The following RASGEF1B variants were observed in gnomAD, a reference collection of about 807,000 sequenced individuals.
The protein encoded by RASGEF1B is RasGEF domain family member 1B.
Under a neutral mutation model 65.7 loss-of-function variants are expected in RASGEF1B, and 30 were observed. The ratio of observed to expected loss-of-function variants is 0.46; its 90% CI spans 0.34 to 0.62. The LOEUF is 0.62. Among genes scored for constraint, RASGEF1B ranks in the 20% least tolerant of loss-of-function variants. The probability of loss-of-function intolerance (pLI) is 0.01; values close to 1 mark genes in which losing one functional copy is unlikely to be tolerated. For missense variants in RASGEF1B, 495 were observed against 580.1 expected (o/e 0.85, Z 1.51); for synonymous variants, 175 against 194.8 (o/e 0.90, Z 0.85).
rs1381733627 is a variant in RASGEF1B, at chr4:81,447,538, G to T, written c.695C>A (p.Ala232Glu). The T allele has an allele frequency of 6.2e-7, 1 of 1,613,914 alleles. No homozygotes were observed. Among genetic ancestry groups the T allele is most frequent in the Admixed American group, 1.7e-5 (1 of 60,002 alleles). ...ATCCAAAGGGTCCTTCTGCACGAAC[G>T]CCTGAACAAATTCTTCTGGCCCAAT... ...NYIGPEEFVQ[A>E]FVQKDPLDND... The change falls in exon 6 of 14, where the codon GCG becomes GAG. Residue 232 changes from alanine (A) to glutamate (E), a missense_variant. Physicochemically the swap from Ala to Glu is moderately radical, Grantham distance 107 (BLOSUM62 -1). Coordinates refer to ENST00000264400, the MANE Select transcript of RASGEF1B (RefSeq NM_152545.3).
rs1441644991 is a variant in RASGEF1B at position 81,459,647 on chromosome 4, C to T, written c.-6-133G>A. 2.7e-5 allele frequency: 19 copies of T among 711,594 alleles called. No homozygotes were observed. In the Admixed American group the frequency reaches 6.7e-4, roughly 25 times the overall value. 44.1% of individuals were successfully genotyped at this position (711,594 alleles called of 1,614,324 possible). A position where few individuals can be genotyped will look rare whatever the true frequency, so the allele number is the denominator to read the frequency against. The stretch of plus-strand genomic sequence containing the variant: ...ATTAAAATAGTAGTTCAGGTTCTGA[C>T]ACAGAATCAGAGCCCATCAGGAACC... On this transcript the variant is annotated intron_variant, in intron 1 of 13. Transcript: ENST00000264400.
At chr4:81,445,393 G>T in intron 8 of RASGEF1B, 133 bp downstream of exon 8, 2 of 674,314 alleles carry the variant, frequency 3.0e-6, no homozygotes, top group Non-Finnish European at 5.3e-6. Context: ...AAAGCATTTT[G>T]GGCATTCTCA....
Position 81,426,981 on chromosome 4 carries a change from CAAAAAAAAAAAAAAA to C in RASGEF1B, c.*772_*786del, listed in dbSNP as rs546907988. 2 of 34,248 alleles carry C rather than the reference CAAAAAAAAAAAAAAA, an allele frequency of 5.8e-5. No individual in the cohort carries two copies. Among genetic ancestry groups the C allele is most frequent in the South Asian group, 1.7e-3 (1 of 580 alleles). 2.1% of individuals were successfully genotyped at this position (34,248 alleles called of 1,614,324 possible). ...GTCAGTTGTAAACAGCTCAGAAGAG[CAAAAAAAAAAAAAAA>C]AAAAAAAAAAAAAAGTCCTTCTAGC... On this transcript the variant is annotated 3_prime_UTR_variant, in exon 14 of 14. Coordinates refer to ENST00000264400, the MANE Select transcript of RASGEF1B (RefSeq NM_152545.3).
Position 81,432,468 on chromosome 4 carries a change from A to T in RASGEF1B, c.1325-97T>A, listed in dbSNP as rs866969021. ...TTCGACTTGAGCCAAACTCCATAGC[A>T]AAATACTCTTCAAAATATCAAGTCA... is the stretch of plus-strand genomic sequence containing the variant. On this transcript the variant is annotated intron_variant, in intron 12 of 13. Coordinates refer to ENST00000264400, the MANE Select transcript of RASGEF1B (RefSeq NM_152545.3). The T allele has an allele frequency of 1.3e-5, 9 of 692,446 alleles. No individual in the cohort carries two copies. In the African/African-American group the frequency reaches 1.4e-4, roughly 11 times the overall value. The allele number at this position is 692,446 out of a possible 1,614,324, so 42.9% of individuals were successfully genotyped here. A position where few individuals can be genotyped will look rare whatever the true frequency, so the allele number is the denominator to read the frequency against.
At chr4:81,458,255 T>C (rs755933926) in intron 2 of RASGEF1B, among the ~76,000 whole-genome samples, 5 of 152,242 alleles carry the variant, frequency 3.3e-5, no homozygotes, top group Non-Finnish European at 5.9e-5. Context: ...AAGCCAATAA[T>C]GAAGTAGTGC....
intron 2 of RASGEF1B, among the ~76,000 whole-genome samples, chr4:81,458,564 T>G (rs1722531316): frequency 6.6e-6 from 1 of 152,196 alleles, no homozygotes; most frequent in Admixed American, 6.5e-5. Flanking sequence ...CTCTAGATAT[T>G]TTCATGAGAT....
At chr4:81,462,287 A>G (rs1722673991) in intron 1 of RASGEF1B, among the ~76,000 whole-genome samples, 1 of 152,230 alleles carries the variant, frequency 6.6e-6, no homozygotes, top group Non-Finnish European at 1.5e-5. Flanking sequence ...TTGGAACTAT[A>G]CCACTTGCAG....
At chr4:81,466,109 C>T (rs1722794620) in intron 1 of RASGEF1B, among the ~76,000 whole-genome samples, 1 of 152,080 alleles carries the variant, frequency 6.6e-6, no homozygotes, top group Non-Finnish European at 1.5e-5. Flanking sequence ...CACAGCTGAA[C>T]TTTGAAAGCA....
intron 10 of RASGEF1B, among the ~76,000 whole-genome samples, chr4:81,438,190 C>T (rs1256949549): frequency 6.6e-6 from 1 of 152,058 alleles, no homozygotes; most frequent in South Asian, 2.1e-4. Flanking sequence ...AACCTGGAGA[C>T]ACAGGTACCT....
chr4:81,449,801 G>A (rs1021050055), intron 4 of RASGEF1B, among the ~76,000 whole-genome samples: 5 of 152,138 alleles, frequency 3.3e-5, no homozygotes, highest in South Asian at 2.1e-4. Context: ...AAACCCAAAC[G>A]AAGAGATATT....
chr4:81,433,735 A>C, intron 12 of RASGEF1B, 105 bp downstream of exon 12: 1 of 1,174,898 alleles, frequency 8.5e-7, no homozygotes, highest in Non-Finnish European at 1.2e-6. Flanking sequence ...GGAACAGATC[A>C]GAGGACAGGC....
chr4:81,435,713 G>C (rs1294359519), intron 10 of RASGEF1B, among the ~76,000 whole-genome samples: 6 of 146,860 alleles, frequency 4.1e-5, no homozygotes, highest in Non-Finnish European at 8.9e-5. Flanking sequence ...CTGACCTTGT[G>C]ATCCGCCCGC....
chr4:81,457,952 A>G (rs1722505380), intron 2 of RASGEF1B, among the ~76,000 whole-genome samples: 1 of 152,242 alleles, frequency 6.6e-6, no homozygotes, highest in Non-Finnish European at 1.5e-5. Context: ...AATTCAGCCC[A>G]GAGAGATAAA....
intron 1 of RASGEF1B, among the ~76,000 whole-genome samples, chr4:81,461,251 A>T (rs1411224345): frequency 7.1e-6 from 1 of 141,302 alleles, no homozygotes; most frequent in Non-Finnish European, 1.7e-5. Context: ...AGAAACTCAT[A>T]GTGCCCTCAA....
intron 1 of RASGEF1B, among the ~76,000 whole-genome samples, chr4:81,461,914 G>A (rs999451778): frequency 2.6e-5 from 4 of 152,166 alleles, no homozygotes; most frequent in African/African-American, 4.8e-5. Flanking sequence ...AGTACTCTCC[G>A]GCCAGAGGCT....
At chr4:81,435,193 T>C (rs376979403) in intron 10 of RASGEF1B, among the ~76,000 whole-genome samples, 10 of 151,776 alleles carry the variant, frequency 6.6e-5, no homozygotes, top group South Asian at 2.1e-4. Flanking sequence ...GGGTGGATCA[T>C]GAGGTCAGGA....
At chr4:81,434,215 G>C (rs1299737193) in intron 11 of RASGEF1B, among the ~76,000 whole-genome samples, 2 of 151,934 alleles carry the variant, frequency 1.3e-5, no homozygotes, top group Non-Finnish European at 2.9e-5. Context: ...ACCACGACTA[G>C]CTAATATTTT....
intron 1 of RASGEF1B, among the ~76,000 whole-genome samples, chr4:81,468,928 T>C (rs2110002055): frequency 6.6e-6 from 1 of 152,342 alleles, no homozygotes; most frequent in East Asian, 1.9e-4. Context: ...AATCACTGAT[T>C]AGGGCTCCAG....
intron 13 of RASGEF1B, among the ~76,000 whole-genome samples, chr4:81,429,680 C>A (rs1009308310): frequency 2.0e-5 from 3 of 152,202 alleles, no homozygotes; most frequent in African/African-American, 7.2e-5. Flanking sequence ...ACGCAAGTGG[C>A]GAGTCGTCGA....
Sources: allele counts gnomAD v4.1 joint callset (sites outside exome capture counted in the v4.1 genomes callset), GRCh38; gene constraint gnomAD v4.1.1; transcripts MANE v1.5; gene names NCBI Gene and HGNC (gene_info 2026-07-23, HGNC 2026-07-21).